PAPPA: variants seen among roughly 807,000 people sequenced by gnomAD.
PAPPA encodes pappalysin-1.
A neutral mutation model predicts 164.0 loss-of-function variants in PAPPA; 60 were observed. The ratio of observed to expected loss-of-function variants is 0.37; its 90% CI spans 0.30 to 0.45. The LOEUF (loss-of-function observed/expected upper bound fraction) is 0.45, where lower values mean the gene tolerates loss of function less well. PAPPA is among the 20% of genes least tolerant of loss of function. The pLI, the probability that PAPPA is intolerant of heterozygous loss-of-function variation, is 1.00. For missense variants in PAPPA, 1,782 were observed against 2,087.3 expected (o/e 0.85, Z 2.85); for synonymous variants, 875 against 814.1 (o/e 1.07, Z -1.27).
chr9:116,276,465 C>G (rs1417771356), intron 9 of PAPPA, among the ~76,000 whole-genome samples: 1 of 152,138 alleles, frequency 6.6e-6, no homozygotes, highest in Non-Finnish European at 1.5e-5. Flanking sequence ...GGCCTCCTGG[C>G]TGCAGCTTAG....
At chr9:116,341,027 T>C (rs1391883702) in intron 13 of PAPPA, among the ~76,000 whole-genome samples, 2 of 151,268 alleles carry the variant, frequency 1.3e-5, no homozygotes, top group Non-Finnish European at 2.9e-5. Flanking sequence ...TTTTATTTTT[T>C]TGTTTTATTT....
rs534565790 is a variant in PAPPA, at chr9:116,336,193, G to A, written c.3611+1119G>A. On this transcript the variant is annotated intron_variant, in intron 13 of 21. Coordinates refer to ENST00000328252, the MANE Select transcript of PAPPA (RefSeq NM_002581.5). ...TTTTTGTAGGCTACCCAAGAGTGAG[G>A]CTCTCTGAAAGTCGATTCAGCCTTG... Among the ~76,000 whole-genome samples the A allele has an allele frequency of 1.6e-4, 24 of 152,050 alleles. No homozygotes were observed. In the East Asian group the frequency reaches 4.7e-3, roughly 30 times the overall value.
At chr9:116,217,770 A>T (rs7469968) in intron 4 of PAPPA, among the ~76,000 whole-genome samples, 69,076 of 151,850 alleles carry the variant, frequency 0.45, 16,173 homozygotes, top group Non-Finnish European at 0.49. Flanking sequence ...TGAGATGAGC[A>T]ATCGCGTTAT....
chr9:116,293,571 G>T (rs1291260840), intron 9 of PAPPA, among the ~76,000 whole-genome samples: 1 of 152,192 alleles, frequency 6.6e-6, no homozygotes, highest in Non-Finnish European at 1.5e-5. Context: ...GATGTGGTTG[G>T]AACTAAGAAT....
chr9:116,301,306 C>T (rs1028870784), intron 9 of PAPPA, among the ~76,000 whole-genome samples: 1 of 152,190 alleles, frequency 6.6e-6, no homozygotes, highest in African/African-American at 2.4e-5. Flanking sequence ...TGGCTAGCAA[C>T]TATATTTCAA....
intron 1 of PAPPA, among the ~76,000 whole-genome samples, chr9:116,160,953 G>C (rs1843658506): frequency 6.6e-6 from 1 of 152,170 alleles, no homozygotes; most frequent in Non-Finnish European, 1.5e-5. Context: ...TTAACCACTG[G>C]GGCCTCAGGG....
chr9:116,284,147 G>A (rs1587986325), intron 9 of PAPPA, among the ~76,000 whole-genome samples: 1 of 152,242 alleles, frequency 6.6e-6, no homozygotes, highest in East Asian at 1.9e-4. Context: ...TCCAGAAAGT[G>A]ATCAACAAAT....
chr9:116,329,146 G>A (rs1588006118), intron 10 of PAPPA, among the ~76,000 whole-genome samples: 1 of 152,056 alleles, frequency 6.6e-6, no homozygotes, highest in African/African-American at 2.4e-5. Context: ...TTTATAGATG[G>A]GATTCCCAGG....
At chr9:116,330,232 G>T (rs932996714) in intron 10 of PAPPA, among the ~76,000 whole-genome samples, 1 of 152,116 alleles carries the variant, frequency 6.6e-6, no homozygotes, top group African/African-American at 2.4e-5. Flanking sequence ...GTACTAATTT[G>T]GGATGACCTT....
At chr9:116,331,441 G>A (rs1845989959) in intron 11 of PAPPA, 84 bp downstream of exon 11, 1 of 806,856 alleles carries the variant, frequency 1.2e-6, no homozygotes, top group East Asian at 2.4e-5. Flanking sequence ...CTGAAGATGG[G>A]TTGTCTACCT....
intron 18 of PAPPA, among the ~76,000 whole-genome samples, chr9:116,365,551 G>GTTT (rs56204027): frequency 2.0e-5 from 2 of 101,480 alleles, no homozygotes; most frequent in Admixed American, 1.0e-4. Context: ...TTTGACAACC[G>GTTT]TTTTTTTTTT....
At chr9:116,332,531 T>A in intron 12 of PAPPA, 63 bp downstream of exon 12, 1 of 1,463,464 alleles carries the variant, frequency 6.8e-7, no homozygotes, top group Non-Finnish European at 9.5e-7. Context: ...GCCCCATAAC[T>A]AGTTGTGAGG....
intron 2 of PAPPA, among the ~76,000 whole-genome samples, chr9:116,190,805 A>G (rs1467549353): frequency 6.6e-6 from 1 of 152,192 alleles, no homozygotes; most frequent in African/African-American, 2.4e-5. Flanking sequence ...TCTGTGAGCG[A>G]CCATGAGCCA....
At chr9:116,189,943 A>G (rs1158948220) in intron 2 of PAPPA, among the ~76,000 whole-genome samples, 1 of 152,188 alleles carries the variant, frequency 6.6e-6, no homozygotes, top group Non-Finnish European at 1.5e-5. Context: ...CGGCACCAGG[A>G]GGGCCCCTGG....
intron 10 of PAPPA, among the ~76,000 whole-genome samples, chr9:116,317,767 G>A (rs979991011): frequency 8.5e-5 from 13 of 152,242 alleles, no homozygotes; most frequent in African/African-American, 2.6e-4. Flanking sequence ...AAATGCCTCA[G>A]AATTTTCTAC....
At chr9:116,356,804 T>C (rs1334713036) in intron 17 of PAPPA, among the ~76,000 whole-genome samples, 2 of 152,222 alleles carry the variant, frequency 1.3e-5, no homozygotes, top group Non-Finnish European at 2.9e-5. Context: ...CCTCCAGCTG[T>C]GTTCTTTTTG....
chr9:116,365,549 C>A (rs1446379715), intron 18 of PAPPA, among the ~76,000 whole-genome samples: 4 of 70,082 alleles, frequency 5.7e-5, no homozygotes, highest in African/African-American at 1.2e-4. Context: ...GTTTTGACAA[C>A]CGTTTTTTTT....
At position 116,207,470 on chromosome 9, in the gene PAPPA, T is replaced by C. The variant is rs1844250830; in HGVS notation, c.1493T>C (p.Val498Ala). 3 of 1,611,986 alleles carry C rather than the reference T, an allele frequency of 1.9e-6. No individual in the cohort carries two copies. The highest frequency in any genetic ancestry group is 2.7e-5 in the African/African-American group (2 of 74,818). The change falls in exon 3 of 22, where the codon GTT (valine) becomes GCT (alanine). Residue 498 changes from valine to alanine, a missense_variant. By Grantham distance (64) the Val-to-Ala change is moderately conservative. This residue lies in a region of PAPPA where 1,324 missense variants were observed against 1,656.9 expected (regional missense o/e 0.80). Coordinates refer to ENST00000328252, the MANE Select transcript of PAPPA (RefSeq NM_002581.5). Reference protein sequence around the residue: ...PDSPHRAYLDVNELKNILKLD... With the variant: ...PDSPHRAYLDANELKNILKLD... ...TTCTGTTTCAGAGCCTACTTGGATG[T>C]TAATGAGCTGAAGAACATTCTTAAA...
intron 9 of PAPPA, among the ~76,000 whole-genome samples, chr9:116,290,999 C>T (rs1255412902): frequency 6.6e-6 from 1 of 152,104 alleles, no homozygotes; most frequent in Admixed American, 6.6e-5. Context: ...CTGGATTTTA[C>T]CGCCTCTTTC....
Sources: gnomAD v4.1 joint callset for allele counts (sites outside exome capture counted in the v4.1 genomes callset) on GRCh38, gnomAD v4.1.1 for gene constraint, gnomAD v4.1.1 regional missense constraint, MANE v1.5 for transcripts, NCBI Gene and HGNC (gene_info 2026-07-23, HGNC 2026-07-21) for gene names.